NDRG1: variants seen among roughly 807,000 people sequenced by gnomAD.
NDRG1 encodes protein NDRG1.
Under a neutral mutation model 56.9 loss-of-function variants are expected in NDRG1, and 32 were observed. The ratio of observed to expected loss-of-function variants is 0.56; its 90% CI spans 0.42 to 0.76. NDRG1 has a LOEUF of 0.76. Ranked by LOEUF, NDRG1 falls within the 30% of genes least tolerant of loss-of-function variation. The probability of loss-of-function intolerance (pLI) is 0.00; values close to 1 mark genes in which losing one functional copy is unlikely to be tolerated. For synonymous variants in NDRG1, 211 were observed against 204.1 expected (o/e 1.03, Z -0.29); for missense variants, 507 against 545.7 (o/e 0.93, Z 0.71).
chr8:133,296,585 CA>C (rs1858777584), intron 1 of NDRG1: 1 of 455,860 alleles, frequency 2.2e-6, no homozygotes, highest in African/African-American at 2.0e-5. Context: ...ACCCAGTCTG[CA>C]AGCCAGACAC....
At chr8:133,239,332 C>A in intron 15 of NDRG1, 1 of 742,016 alleles carries the variant, frequency 1.3e-6, no homozygotes, top group South Asian at 1.8e-5. Flanking sequence ...GCCGCAATCA[C>A]ACCATGAGTG....
intron 3 of NDRG1, among the ~76,000 whole-genome samples, chr8:133,272,503 C>T (rs1857245422): frequency 6.6e-6 from 1 of 152,202 alleles, no homozygotes; most frequent in Admixed American, 6.5e-5. Flanking sequence ...AATGACAGGG[C>T]TGGGTCTGCA....
At chr8:133,239,294 T>C in intron 15 of NDRG1, 175 bp from the exon 16 acceptor site, 3 of 1,046,214 alleles carry the variant, frequency 2.9e-6, no homozygotes, top group South Asian at 1.5e-5. Flanking sequence ...GAGAGAGAGA[T>C]GGCAAGGCCC....
At chr8:133,281,800 A>C (rs539076264) in intron 2 of NDRG1, among the ~76,000 whole-genome samples, 3 of 152,298 alleles carry the variant, frequency 2.0e-5, no homozygotes, top group South Asian at 4.1e-4. Flanking sequence ...ACTTTGGGTA[A>C]ATTCAAGTGG....
At chr8:133,247,801 G>A (rs1227193389) in intron 12 of NDRG1, 74 bp downstream of exon 12, 2 of 1,501,768 alleles carry the variant, frequency 1.3e-6, no homozygotes, top group Admixed American at 1.7e-5. Flanking sequence ...GGGGCAGGCA[G>A]GGCCACTTCA....
rs1229593103 is a variant in NDRG1 at position 133,242,023 on chromosome 8, T to C, written c.943A>G (p.Met315Val). Residue 315 changes from methionine (M) to valine (V), a missense_variant and splice_region_variant, in exon 15 of 16, where the codon ATG (methionine) becomes GTG (valine). Transcript: ENST00000323851. ...FKYFVQGMGY[M>V]PSASMTRLMR... ...TGCACACGGGGAATGCCATACTCAC[T>C]GTATCCCATGCCCTGCACGAAGTAC... 4 of 1,614,054 alleles carry C rather than the reference T, an allele frequency of 2.5e-6. No individual in the cohort carries two copies. The highest frequency in any genetic ancestry group is 3.4e-6 in the Non-Finnish European group (4 of 1,180,020).
Position 133,238,955 on chromosome 8 carries a change from C to T in NDRG1, c.1108G>A (p.Ala370Thr). 6.3e-7 allele frequency: 1 copy of T among 1,577,218 alleles called. No individual in the cohort carries two copies. Among genetic ancestry groups the T allele is most frequent in the African/African-American group, 1.3e-5 (1 of 74,082 alleles). The change falls in exon 16 of 16, where the codon GCC becomes ACC. Residue 370 changes from alanine to threonine, a missense_variant. Transcript: ENST00000323851. ...GAGTTGGGGGTGATGTCCAGGTGGG[C>T]CCCCTCGCTGGTGTGCGAGCGGCTG... Reference protein sequence around the residue: ...TRSRSHTSEGAHLDITPNSGA... With the variant: ...TRSRSHTSEGTHLDITPNSGA...
At chr8:133,295,992 G>C (rs2130821618) in intron 1 of NDRG1, among the ~76,000 whole-genome samples, 1 of 152,230 alleles carries the variant, frequency 6.6e-6, no homozygotes, top group African/African-American at 2.4e-5. Context: ...AGGACCCCCA[G>C]GGACAGCAGG....
chr8:133,260,162 C>T (rs1037103216), intron 5 of NDRG1, among the ~76,000 whole-genome samples: 3 of 152,182 alleles, frequency 2.0e-5, no homozygotes, highest in East Asian at 3.9e-4. Flanking sequence ...TCTGTTTCTT[C>T]CCTGTTCCCC....
intron 14 of NDRG1, among the ~76,000 whole-genome samples, 173 bp downstream of exon 14, chr8:133,244,182 G>T (rs1446632503): frequency 6.6e-6 from 1 of 152,110 alleles, no homozygotes; most frequent in East Asian, 1.9e-4. Context: ...ACTCCACAGG[G>T]GTTGGTTCCT....
At chr8:133,241,565 T>C (rs1164068619) in intron 15 of NDRG1, 1 of 220,952 alleles carries the variant, frequency 4.5e-6, no homozygotes, top group Non-Finnish European at 9.1e-6. Context: ...GCTTCATCAC[T>C]GATAAGATGG....
chr8:133,285,792 G>A (rs924732122), intron 1 of NDRG1, among the ~76,000 whole-genome samples: 14 of 152,306 alleles, frequency 9.2e-5, no homozygotes, highest in African/African-American at 2.6e-4. Flanking sequence ...AAACAAAGTC[G>A]GTTTTATATT....
chr8:133,258,245 A>G, intron 7 of NDRG1, 121 bp downstream of exon 7: 2 of 979,360 alleles, frequency 2.0e-6, no homozygotes, highest in Non-Finnish European at 1.6e-6. Flanking sequence ...ACACACACAC[A>G]ACTGTGGAGA....
intron 1 of NDRG1, among the ~76,000 whole-genome samples, chr8:133,294,131 C>T (rs4736443): frequency 0.59 from 89,201 of 152,024 alleles, 27,305 homozygotes; most frequent in African/African-American, 0.77. Flanking sequence ...GAGCTCCTGA[C>T]TGCCTTTTCA....
intron 1 of NDRG1, among the ~76,000 whole-genome samples, chr8:133,286,249 A>G (rs4504614): frequency 0.17 from 25,204 of 152,220 alleles, 2,677 homozygotes; most frequent in African/African-American, 0.29. Flanking sequence ...AGTAAAATTC[A>G]CTTTTAAATC....
At chr8:133,276,425 G>A (rs1160895109) in intron 3 of NDRG1, among the ~76,000 whole-genome samples, 1 of 152,224 alleles carries the variant, frequency 6.6e-6, no homozygotes, top group African/African-American at 2.4e-5. Context: ...ATGATCCAGT[G>A]ATAGGGTTTG....
Position 133,259,357 on chromosome 8 carries a change from A to G in NDRG1, c.327-127T>C. On this transcript the variant is annotated intron_variant, in intron 5 of 15. Coordinates refer to ENST00000323851, the MANE Select transcript of NDRG1 (RefSeq NM_006096.4). ...CATGCACCCAGACCCCCCCACCCCCAAGTCTAGTCCCTTCGCATCCTCCTT... is the reference window on the plus strand; with the variant it reads ...CATGCACCCAGACCCCCCCACCCCCGAGTCTAGTCCCTTCGCATCCTCCTT... 4.7e-6 allele frequency: 4 copies of G among 842,272 alleles called. No homozygotes were observed. The Admixed American group carries it at 8.3e-5, about 17-fold the overall frequency. 52.2% of individuals were successfully genotyped at this position (842,272 alleles called of 1,614,324 possible).
At chr8:133,260,781 T>A (rs1418437277) in intron 5 of NDRG1, among the ~76,000 whole-genome samples, 2 of 152,164 alleles carry the variant, frequency 1.3e-5, no homozygotes, top group African/African-American at 4.8e-5. Context: ...AAAAAGGATA[T>A]CTATTTATAA....
chr8:133,282,791 C>A (rs1857886952), intron 2 of NDRG1, among the ~76,000 whole-genome samples: 1 of 152,144 alleles, frequency 6.6e-6, no homozygotes, highest in Non-Finnish European at 1.5e-5. Context: ...GCCTTCAATG[C>A]CTAAGATATT....
Sources: gnomAD v4.1 joint callset for allele counts (sites outside exome capture counted in the v4.1 genomes callset) on GRCh38, gnomAD v4.1.1 for gene constraint, MANE v1.5 for transcripts, NCBI Gene and HGNC (gene_info 2026-07-23, HGNC 2026-07-21) for gene names.